Variants in MAOB observed in about 807,000 individuals in gnomAD.
The protein encoded by MAOB is monoamine oxidase B.
MAOB carries 15 observed loss-of-function variants against 41.9 expected under a neutral mutation model. That is an observed-to-expected ratio of 0.36 (90% CI 0.24 to 0.55). MAOB has a LOEUF of 0.55. MAOB is among the 20% of genes least tolerant of loss of function. The pLI, the probability that MAOB is intolerant of heterozygous loss-of-function variation, is 0.86. For synonymous variants in MAOB, 167 were observed against 144.2 expected (o/e 1.16, Z -1.13); for missense variants, 345 against 398.7 (o/e 0.87, Z 1.15).
At chrX:43,818,877 G>A (rs758531234) in intron 3 of MAOB, among the ~76,000 whole-genome samples, 71 of 112,151 alleles carry the variant, frequency 6.3e-4, no homozygotes, top group African/African-American at 2.2e-3. Context: ...AGAGATTTAC[G>A]GCATCATAAT....
intron 3 of MAOB, among the ~76,000 whole-genome samples, chrX:43,817,371 C>T (rs2034828371): frequency 9.0e-6 from 1 of 111,038 alleles, no homozygotes; most frequent in South Asian, 3.8e-4. Context: ...ATCAAAACGA[C>T]CAGTTCTAAA....
chrX:43,853,399 G>GC (rs1569230029), intron 1 of MAOB, among the ~76,000 whole-genome samples: 1 of 110,803 alleles, frequency 9.0e-6, no homozygotes, highest in Admixed American at 9.6e-5. Flanking sequence ...CCAAAGATAG[G>GC]CCCGGGGGCA....
At chrX:43,801,076 A>T (rs1569216261) in intron 5 of MAOB, among the ~76,000 whole-genome samples, 2 of 106,388 alleles carry the variant, frequency 1.9e-5, no homozygotes, top group African/African-American at 3.4e-5. Flanking sequence ...TGCCTCTTTC[A>T]CTGTTTCTCC....
chrX:43,791,322 G>T (rs777865099), intron 8 of MAOB, among the ~76,000 whole-genome samples: 1 of 111,109 alleles, frequency 9.0e-6, no homozygotes, highest in Non-Finnish European at 1.9e-5. Flanking sequence ...CCTCCTTGGA[G>T]TACATCCCGC....
chrX:43,792,348 T>C (rs2034474018), intron 8 of MAOB, among the ~76,000 whole-genome samples: 1 of 112,220 alleles, frequency 8.9e-6, no homozygotes, highest in Admixed American at 9.5e-5. Flanking sequence ...AGGTAGGACC[T>C]AATTAAACTA....
chrX:43,819,912 G>A (rs1322316387), intron 3 of MAOB, among the ~76,000 whole-genome samples: 1 of 111,867 alleles, frequency 8.9e-6, no homozygotes, highest in East Asian at 2.8e-4. Flanking sequence ...ATCTAACTAA[G>A]GCCCTCAAGA....
At chrX:43,880,291 C>A (rs775978596) in intron 1 of MAOB, among the ~76,000 whole-genome samples, 27 of 112,255 alleles carry the variant, frequency 2.4e-4, no homozygotes, top group African/African-American at 8.7e-4. Flanking sequence ...GTCTGAGTAT[C>A]CCATCACCCT....
At chrX:43,813,782 GAAC>G (rs750245573) in intron 3 of MAOB, among the ~76,000 whole-genome samples, 20 of 111,457 alleles carry the variant, frequency 1.8e-4, no homozygotes, top group African/African-American at 6.5e-4. Flanking sequence ...GGCACTGGAG[GAAC>G]AACAGATAAA....
At chrX:43,881,375 G>C (rs1016440640) in intron 1 of MAOB, among the ~76,000 whole-genome samples, 1 of 113,184 alleles carries the variant, frequency 8.8e-6, no homozygotes, top group South Asian at 3.6e-4. Flanking sequence ...ACTAGGCAGC[G>C]TTAGGAGGTG....
intron 1 of MAOB, among the ~76,000 whole-genome samples, chrX:43,850,162 C>G (rs1420474033): frequency 8.9e-6 from 1 of 112,190 alleles, no homozygotes; most frequent in Non-Finnish European, 1.9e-5. Context: ...AGAGCTAGGT[C>G]TGAAACCTGG....
rs1181706091 is a variant in MAOB, at chrX:43,810,085, T to C, written c.280-6681A>G. 2.0e-5 allele frequency among the ~76,000 whole-genome samples: 2 copies of C among 99,347 alleles called. 1 individual carries two copies. The highest frequency in any genetic ancestry group is 8.2e-5 in the African/African-American group (2 of 24,529). 86.3% of individuals were successfully genotyped at this position (99,347 alleles called of 115,157 possible). On this transcript the variant is annotated intron_variant, in intron 3 of 14. Transcript: ENST00000378069. ...GGTGAAACCCCGTCTCTACTAAAAA[T>C]ACAAAAAATTAGCCGGGCGTGGTGG...
chrX:43,771,644 A>G (rs1176170927), intron 12 of MAOB, among the ~76,000 whole-genome samples: 2 of 110,962 alleles, frequency 1.8e-5, no homozygotes, highest in African/African-American at 3.3e-5. Context: ...TTTTTTTTCA[A>G]TGGAGAAAAC....
At chrX:43,788,790 CAT>C (rs1264668790) in intron 8 of MAOB, among the ~76,000 whole-genome samples, 4 of 110,983 alleles carry the variant, frequency 3.6e-5, no homozygotes, top group South Asian at 3.8e-4. Flanking sequence ...AATATATTAA[CAT>C]ATTTATTTAA....
intron 1 of MAOB, among the ~76,000 whole-genome samples, chrX:43,868,593 AT>A: frequency 9.0e-6 from 1 of 111,371 alleles, no homozygotes; most frequent in Admixed American, 9.5e-5. Context: ...CCAATTTCTG[AT>A]AACATAAAAG....
At chrX:43,827,708 G>A (rs750181069) in intron 3 of MAOB, among the ~76,000 whole-genome samples, 17 of 111,566 alleles carry the variant, frequency 1.5e-4, no homozygotes, top group African/African-American at 2.3e-4. Context: ...AATCTGCTTC[G>A]AAGCACAATA....
rs749492144 is a variant in MAOB at position 43,840,893 on chromosome X, G to GT, written c.142-1889dup. ...GGCAGACACCGAGCTAGCTGCAGGA[G>GT]TTTTTTTTTTTTTTTTTTCATATCC... On this transcript the variant is annotated intron_variant, in intron 2 of 14. Transcript: ENST00000378069. Among the ~76,000 whole-genome samples, 662 of 92,069 alleles carry GT rather than the reference G, an allele frequency of 7.2e-3. 6 individuals are homozygous for GT. Among genetic ancestry groups the GT allele is most frequent in the Middle Eastern group, 0.017 (3 of 177 alleles). 80.0% of individuals were successfully genotyped at this position (92,069 alleles called of 115,157 possible). A position where few individuals can be genotyped will look rare whatever the true frequency, so the allele number is the denominator to read the frequency against.
At chrX:43,803,801 T>G (rs772965968) in intron 3 of MAOB, among the ~76,000 whole-genome samples, 2 of 111,362 alleles carry the variant, frequency 1.8e-5, no homozygotes, top group Admixed American at 9.6e-5. Context: ...ATAAGCATTA[T>G]ACAACTTAGA....
At chrX:43,801,503 TG>T (rs1482543193) in intron 5 of MAOB, among the ~76,000 whole-genome samples, 1 of 111,819 alleles carries the variant, frequency 8.9e-6, no homozygotes, top group Non-Finnish European at 1.9e-5. Flanking sequence ...ATTTACCACG[TG>T]CTTGAATGGG....
At chrX:43,793,716 G>C (rs775341548) in intron 7 of MAOB, 138 bp from the exon 8 acceptor site, 2 of 492,496 alleles carry the variant, frequency 4.1e-6, no homozygotes, top group Non-Finnish European at 6.5e-6. Context: ...ACCTAAAGTA[G>C]CCCTTATTGT....
Sources: gnomAD v4.1 joint callset for allele counts (sites outside exome capture counted in the v4.1 genomes callset) on GRCh38, gnomAD v4.1.1 for gene constraint, MANE v1.5 for transcripts, NCBI Gene and HGNC (gene_info 2026-07-23, HGNC 2026-07-21) for gene names.